FER: variants seen among roughly 807,000 people sequenced by gnomAD.
The protein encoded by FER is tyrosine-protein kinase Fer.
FER carries 63 observed loss-of-function variants against 111.0 expected under a neutral mutation model. The observed-to-expected ratio is 0.57, with a 90% CI of 0.46 to 0.70. FER has a LOEUF of 0.70. FER is among the 30% of genes least tolerant of loss of function. The probability of loss-of-function intolerance (pLI) is 0.00; values close to 1 mark genes in which losing one functional copy is unlikely to be tolerated. For missense variants in FER, 914 were observed against 954.0 expected (o/e 0.96, Z 0.55); for synonymous variants, 327 against 313.9 (o/e 1.04, Z -0.44).
chr5:108,782,478 A>G (rs1484484994), intron 2 of FER, among the ~76,000 whole-genome samples: 2 of 151,978 alleles, frequency 1.3e-5, no homozygotes, highest in Non-Finnish European at 2.9e-5. Context: ...GATGAGGTCC[A>G]TTTTATTCAT....
intron 5 of FER, among the ~76,000 whole-genome samples, chr5:108,845,539 A>G (rs1489843221): frequency 6.6e-6 from 1 of 152,018 alleles, no homozygotes; most frequent in East Asian, 1.9e-4. Flanking sequence ...GGATCATGTT[A>G]TCTATGTATA....
chr5:108,806,820 G>T (rs1425110632), intron 3 of FER, among the ~76,000 whole-genome samples: 1 of 152,176 alleles, frequency 6.6e-6, no homozygotes, highest in Non-Finnish European at 1.5e-5. Flanking sequence ...TTCATAGGCG[G>T]AAGGGACTTG....
chr5:108,931,830 C>G (rs546938352), intron 10 of FER, among the ~76,000 whole-genome samples: 1 of 151,404 alleles, frequency 6.6e-6, no homozygotes, highest in Non-Finnish European at 1.5e-5. Flanking sequence ...AACTCCATCT[C>G]GGGGAAAAAA....
chr5:108,799,933 C>T (rs1756448995), intron 3 of FER, among the ~76,000 whole-genome samples: 1 of 151,284 alleles, frequency 6.6e-6, no homozygotes, highest in Admixed American at 6.6e-5. Context: ...ACCTCTGCCT[C>T]CCGGGTTCAG....
At chr5:109,118,057 T>C (rs1297766398) in intron 17 of FER, among the ~76,000 whole-genome samples, 1 of 151,754 alleles carries the variant, frequency 6.6e-6, no homozygotes. Context: ...TGAATAGGAG[T>C]GGTGAGAGAG....
At chr5:109,185,227 G>T (rs1489585642) in intron 18 of FER, among the ~76,000 whole-genome samples, 1 of 152,172 alleles carries the variant, frequency 6.6e-6, no homozygotes, top group African/African-American at 2.4e-5. Flanking sequence ...CTTAGCTCAT[G>T]TAGCTCAGTA....
intron 13 of FER, 49 bp from the exon 14 acceptor site, chr5:109,037,373 A>G: frequency 6.6e-7 from 1 of 1,511,452 alleles, no homozygotes. Context: ...CAACTTCAAG[A>G]AGTGTACCCT....
chr5:109,044,679 G>T lies in FER; in HGVS notation c.1714-1G>T, dbSNP rs1485190601. On this transcript the variant is annotated splice_acceptor_variant, in intron 14 of 19. Transcript: ENST00000281092. LOFTEE classifies it high-confidence loss of function. The stretch of plus-strand genomic sequence containing the variant: ...GACAATGAATGTATTTCTATTTTCA[G>T]GGAAATTTTGGTGAAGTATATAAGG... 1.4e-6 allele frequency: 2 copies of T among 1,453,022 alleles called. No individual in the cohort carries two copies. Among genetic ancestry groups the T allele is most frequent in the Non-Finnish European group, 1.9e-6 (2 of 1,069,340 alleles). The allele number at this position is 1,453,022 out of a possible 1,614,324, so 90.0% of individuals were successfully genotyped here.
intron 16 of FER, among the ~76,000 whole-genome samples, chr5:109,073,895 TA>T (rs955705795): frequency 2.4e-4 from 37 of 152,120 alleles, no homozygotes; most frequent in African/African-American, 7.5e-4. Context: ...CTCTTAATAA[TA>T]AAAAAATACA....
intron 17 of FER, among the ~76,000 whole-genome samples, chr5:109,172,231 A>G (rs1303062522): frequency 6.6e-6 from 1 of 151,852 alleles, no homozygotes; most frequent in African/African-American, 2.4e-5. Context: ...CTTGGAACCA[A>G]CCCAAATGTC....
At chr5:108,773,685 A>T (rs57908514) in intron 2 of FER, among the ~76,000 whole-genome samples, 36,445 of 151,778 alleles carry the variant, frequency 0.24, 4,604 homozygotes, top group African/African-American at 0.32. Flanking sequence ...TAATAGAATG[A>T]TCTGTATTTC....
intron 10 of FER, among the ~76,000 whole-genome samples, chr5:108,926,498 G>GT (rs1205031634): frequency 6.6e-6 from 1 of 152,074 alleles, no homozygotes; most frequent in Non-Finnish European, 1.5e-5. Flanking sequence ...GGCATTACAT[G>GT]TAAGGATGCA....
At chr5:108,902,414 T>C (rs1347813650) in intron 10 of FER, among the ~76,000 whole-genome samples, 1 of 152,228 alleles carries the variant, frequency 6.6e-6, no homozygotes, top group Non-Finnish European at 1.5e-5. Flanking sequence ...CATTAGTTTG[T>C]GGGATGTTAA....
chr5:108,911,059 A>G (rs1279280868), intron 10 of FER, among the ~76,000 whole-genome samples: 1 of 152,158 alleles, frequency 6.6e-6, no homozygotes, highest in Non-Finnish European at 1.5e-5. Flanking sequence ...TGTTTTCCAT[A>G]GAAGTTTAAC....
At chr5:108,801,505 C>T (rs932276319) in intron 3 of FER, among the ~76,000 whole-genome samples, 7 of 152,180 alleles carry the variant, frequency 4.6e-5, no homozygotes, top group Admixed American at 2.0e-4. Flanking sequence ...TAGTACTGAA[C>T]GTCCATTGTT....
intron 16 of FER, among the ~76,000 whole-genome samples, chr5:109,067,950 TAGTC>T (rs1775311573): frequency 6.6e-6 from 1 of 152,168 alleles, no homozygotes; most frequent in African/African-American, 2.4e-5. Context: ...AGTTTACAAA[TAGTC>T]AAGCAAGCCG....
chr5:108,873,389 C>T (rs111324843), intron 8 of FER, among the ~76,000 whole-genome samples: 83 of 152,250 alleles, frequency 5.5e-4, no homozygotes, highest in African/African-American at 1.5e-3. Flanking sequence ...AAGTGATTCA[C>T]CCACCTCGGC....
At chr5:108,807,519 T>G (rs1033538334) in intron 3 of FER, among the ~76,000 whole-genome samples, 5 of 152,246 alleles carry the variant, frequency 3.3e-5, no homozygotes, top group Non-Finnish European at 5.9e-5. Flanking sequence ...TCTTTTTCTT[T>G]GTTGGTCTAG....
At chr5:109,112,169 T>C (rs778348240) in intron 17 of FER, among the ~76,000 whole-genome samples, 3 of 152,084 alleles carry the variant, frequency 2.0e-5, no homozygotes, top group Non-Finnish European at 2.9e-5. Context: ...TAAATTAAAA[T>C]AAGACATAGA....
Sources: allele counts gnomAD v4.1 joint callset (sites outside exome capture counted in the v4.1 genomes callset), GRCh38; gene constraint gnomAD v4.1.1; transcripts MANE v1.5; gene names NCBI Gene and HGNC (gene_info 2026-07-23, HGNC 2026-07-21).